XKR6: variants seen among roughly 807,000 people sequenced by gnomAD.
The protein encoded by XKR6 is XK related 6, also known as XK-related protein 6.
Under a neutral mutation model 56.7 loss-of-function variants are expected in XKR6, and 22 were observed. The ratio of observed to expected loss-of-function variants is 0.39; its 90% CI spans 0.28 to 0.55. The LOEUF is 0.55. Ranked by LOEUF, XKR6 falls within the 20% of genes least tolerant of loss-of-function variation. The pLI is 0.66. For synonymous variants in XKR6, 524 were observed against 387.8 expected, an observed-to-expected ratio of 1.35 and a Z score of -4.13; for missense variants, 852 against 889.0, an observed-to-expected ratio of 0.96 and a Z score of 0.53.
intron 1 of XKR6, among the ~76,000 whole-genome samples, chr8:11,183,024 A>C (rs1483433350): frequency 2.6e-5 from 4 of 152,154 alleles, no homozygotes; most frequent in African/African-American, 9.7e-5. Flanking sequence ...AGGTTCATCC[A>C]TGTTGCAGCA....
rs532488888 is a variant in XKR6 at position 11,026,080 on chromosome 8, T to C, written c.765-101250A>G. On this transcript the variant is annotated intron_variant, in intron 1 of 2. Transcript: ENST00000416569. Reference sequence around the variant, plus strand: ...GGGATACATTCTGAGAAATGTGTCGTTAGGCGATTTCATCATTGTACGAGC... The same window carrying C: ...GGGATACATTCTGAGAAATGTGTCGCTAGGCGATTTCATCATTGTACGAGC... Among the ~76,000 whole-genome samples, 4 of 152,310 alleles carry C rather than the reference T, an allele frequency of 2.6e-5. No homozygotes were observed. In the South Asian group the frequency reaches 8.3e-4, roughly 32 times the overall value.
At chr8:11,059,070 A>G (rs1490398623) in intron 1 of XKR6, among the ~76,000 whole-genome samples, 2 of 147,224 alleles carry the variant, frequency 1.4e-5, no homozygotes, top group Non-Finnish European at 3.0e-5. Context: ...CCAGGCTCTC[A>G]CCCACCTGTG....
chr8:11,051,835 CA>C lies in XKR6; in HGVS notation c.765-127006del, dbSNP rs1265229942. On this transcript the variant is annotated intron_variant, in intron 1 of 2. Coordinates refer to ENST00000416569, the MANE Select transcript of XKR6 (RefSeq NM_173683.4). ...TGTTTCTTCTAAAAAAAAGCAAAAA[CA>C]AAAAAAAACCCAAACAAACAAAACG... is the stretch of plus-strand genomic sequence containing the variant. 1.9e-4 allele frequency among the ~76,000 whole-genome samples: 29 copies of C among 150,894 alleles called. 1 individual carries two copies. Among genetic ancestry groups the C allele is most frequent in the African/African-American group, 4.9e-5 (2 of 41,090 alleles).
chr8:11,133,517 C>T (rs560116214), intron 1 of XKR6, among the ~76,000 whole-genome samples: 6 of 152,122 alleles, frequency 3.9e-5, no homozygotes, highest in Admixed American at 1.3e-4. Context: ...CTTGAACTGG[C>T]GGGAATGCTG....
chr8:10,999,335 C>A (rs569858711), intron 1 of XKR6, among the ~76,000 whole-genome samples: 1 of 152,312 alleles, frequency 6.6e-6, no homozygotes, highest in South Asian at 2.1e-4. Flanking sequence ...TAAGGAGATG[C>A]ACATAATATG....
At chr8:11,041,415 G>C (rs995178968) in intron 1 of XKR6, among the ~76,000 whole-genome samples, 11 of 152,086 alleles carry the variant, frequency 7.2e-5, no homozygotes, top group African/African-American at 2.7e-4. Context: ...AACTAGCTGG[G>C]CGTGGTGGTG....
intron 1 of XKR6, among the ~76,000 whole-genome samples, chr8:11,182,117 A>C (rs1224337761): frequency 6.6e-6 from 1 of 152,226 alleles, no homozygotes; most frequent in Non-Finnish European, 1.5e-5. Flanking sequence ...CACTATTTAC[A>C]GTATAGGGTT....
chr8:11,023,246 G>C (rs1798786908), intron 1 of XKR6, among the ~76,000 whole-genome samples: 1 of 152,198 alleles, frequency 6.6e-6, no homozygotes, highest in South Asian at 2.1e-4. Flanking sequence ...TGCTCCCAGA[G>C]CAGGCACTAG....
At chr8:11,096,447 A>AT (rs1798265102) in intron 1 of XKR6, among the ~76,000 whole-genome samples, 1 of 152,168 alleles carries the variant, frequency 6.6e-6, no homozygotes, top group African/African-American at 2.4e-5. Flanking sequence ...TTAATTTCTA[A>AT]TTTTTTGCAG....
In XKR6 at chr8:11,200,765, C is replaced by T; in HGVS notation, c.575G>A (p.Gly192Glu). 1 of 1,601,240 alleles carries T rather than the reference C, an allele frequency of 6.2e-7. No individual in the cohort carries two copies. Among genetic ancestry groups the T allele is most frequent in the Non-Finnish European group, 8.5e-7 (1 of 1,175,448 alleles). Residue 192 changes from glycine to glutamate, a missense_variant, in exon 1 of 3, where the codon GGG becomes GAG. This residue lies in a region of XKR6 where 417 missense variants were observed against 355.2 expected (regional missense o/e 1.17). Coordinates refer to ENST00000416569, the MANE Select transcript of XKR6 (RefSeq NM_173683.4). This position sits in a 1 kb window ranked among gnomAD's most constrained non-coding sequence, Gnocchi z 6.4. ...GGTGAGCCCCTCCACGGCGCCCAGC[C>T]CGCCGCCCGTGTAGTCCTGCACGAA... ...RWFVQDYTGG[G>E]LGAVEGLTSR...
chr8:11,038,255 T>A (rs1419595983), intron 1 of XKR6, among the ~76,000 whole-genome samples: 3 of 152,160 alleles, frequency 2.0e-5, no homozygotes, highest in Non-Finnish European at 4.4e-5. Context: ...AGGATTTAAT[T>A]TGAGAAAAAA....
At chr8:11,171,139 G>A (rs1012260964) in intron 1 of XKR6, among the ~76,000 whole-genome samples, 1 of 152,224 alleles carries the variant, frequency 6.6e-6, no homozygotes, top group African/African-American at 2.4e-5. Context: ...TGGGTAGAAG[G>A]ACAGAACTGC....
chr8:11,158,939 G>A (rs934368618), intron 1 of XKR6, among the ~76,000 whole-genome samples: 2 of 152,210 alleles, frequency 1.3e-5, no homozygotes, highest in African/African-American at 4.8e-5. Context: ...TCCTGCAACT[G>A]AGGACCCGCT....
intron 1 of XKR6, among the ~76,000 whole-genome samples, chr8:11,086,376 G>A (rs531656978): frequency 6.6e-6 from 1 of 152,218 alleles, no homozygotes; most frequent in Admixed American, 6.5e-5. Flanking sequence ...GATGTGCCCG[G>A]CACACAGTGG....
chr8:11,092,300 T>C (rs543789100), intron 1 of XKR6, among the ~76,000 whole-genome samples: 5 of 152,368 alleles, frequency 3.3e-5, no homozygotes, highest in African/African-American at 1.2e-4. Flanking sequence ...CTTATGAATG[T>C]AGAAGTGAGC....
chr8:11,140,686 A>C (rs1193895263), intron 1 of XKR6, among the ~76,000 whole-genome samples: 3 of 151,974 alleles, frequency 2.0e-5, no homozygotes, highest in Non-Finnish European at 4.4e-5. Context: ...TCACGAGGTC[A>C]GGAGATCAAG....
chr8:11,135,215 G>C (rs919605991), intron 1 of XKR6, among the ~76,000 whole-genome samples: 1 of 152,046 alleles, frequency 6.6e-6, no homozygotes, highest in African/African-American at 2.4e-5. Context: ...ATTTTTAGCA[G>C]AGATGGGGTT....
intron 1 of XKR6, among the ~76,000 whole-genome samples, chr8:11,025,499 C>G (rs949599411): frequency 1.3e-5 from 2 of 152,280 alleles, no homozygotes; most frequent in African/African-American, 2.4e-5. Context: ...CACATACTTT[C>G]CCTCCAAGAA....
chr8:11,183,644 T>G (rs1803113640), intron 1 of XKR6, among the ~76,000 whole-genome samples: 1 of 152,144 alleles, frequency 6.6e-6, no homozygotes, highest in African/African-American at 2.4e-5. Flanking sequence ...TTTTTAAAAA[T>G]TATTTAAGAT....
Sources: allele counts gnomAD v4.1 joint callset (sites outside exome capture counted in the v4.1 genomes callset), GRCh38; gene constraint gnomAD v4.1.1; regional missense constraint gnomAD v4.1.1; non-coding constraint Gnocchi (gnomAD v3.1); transcripts MANE v1.5; gene names NCBI Gene and HGNC (gene_info 2026-07-23, HGNC 2026-07-21).